NRG1: variants seen among roughly 807,000 people sequenced by gnomAD.
NRG1 encodes the protein neuregulin 1, also known as pro-neuregulin-1, membrane-bound isoform.
In NRG1, 18 loss-of-function variants were observed where a neutral mutation model predicts 63.8. The observed-to-expected ratio is 0.28, with a 90% CI of 0.19 to 0.42. NRG1 has a LOEUF of 0.42. NRG1 is among the 10% of genes least tolerant of loss of function. NRG1 has a pLI of 1.00. For missense variants in NRG1, 762 were observed against 814.7 expected, an observed-to-expected ratio of 0.94 and a Z score of 0.79; for synonymous variants, 302 against 301.3, an observed-to-expected ratio of 1.00 and a Z score of -0.02.
chr8:32,773,186 C>T (rs935014105), intron 7 of NRG1, among the ~76,000 whole-genome samples: 6 of 152,094 alleles, frequency 3.9e-5, no homozygotes, highest in Non-Finnish European at 8.8e-5. Flanking sequence ...AGTGGTGGCC[C>T]TTTAGAAAGT....
At chr8:31,973,891 G>A (rs1427322009) in intron 1 of NRG1, among the ~76,000 whole-genome samples, 1 of 152,138 alleles carries the variant, frequency 6.6e-6, no homozygotes, top group African/African-American at 2.4e-5. Context: ...GTATTGAAAA[G>A]CTATGAAAGA....
At chr8:32,358,812 C>T (rs990043470) in intron 1 of NRG1, among the ~76,000 whole-genome samples, 1 of 152,080 alleles carries the variant, frequency 6.6e-6, no homozygotes, top group African/African-American at 2.4e-5. Context: ...GGGCCAAAGA[C>T]AGAACCTTGA....
At chr8:32,085,546 G>A in intron 1 of NRG1, among the ~76,000 whole-genome samples, 1 of 152,124 alleles carries the variant, frequency 6.6e-6, no homozygotes, top group East Asian at 1.9e-4. Flanking sequence ...CTTTTACATT[G>A]TGATTTCTAT....
At chr8:32,651,258 C>T (rs73678415) in intron 5 of NRG1, among the ~76,000 whole-genome samples, 3,371 of 152,064 alleles carry the variant, frequency 0.022, 144 homozygotes, top group African/African-American at 0.078. Context: ...TCATGTAGGT[C>T]TTAAGAAGTC....
chr8:32,332,297 C>A (rs1166626546), intron 1 of NRG1, among the ~76,000 whole-genome samples: 2 of 152,140 alleles, frequency 1.3e-5, no homozygotes, highest in African/African-American at 4.8e-5. Context: ...ATTGGTTTCT[C>A]CTCCTTTCTT....
At chr8:31,680,973 T>C (rs960621664) in intron 1 of NRG1, among the ~76,000 whole-genome samples, 3 of 151,770 alleles carry the variant, frequency 2.0e-5, no homozygotes, top group Non-Finnish European at 4.4e-5. Context: ...TAGTATTGAG[T>C]AGAAAAAGAA....
At chr8:32,037,126 T>G (rs2130583800) in intron 1 of NRG1, among the ~76,000 whole-genome samples, 1 of 152,382 alleles carries the variant, frequency 6.6e-6, no homozygotes, top group Non-Finnish European at 1.5e-5. Context: ...TTATGGGTTC[T>G]TTTTAATTGA....
intron 1 of NRG1, among the ~76,000 whole-genome samples, chr8:32,227,631 A>G (rs1367283404): frequency 1.3e-5 from 2 of 152,118 alleles, no homozygotes; most frequent in East Asian, 3.9e-4. Context: ...AGAAGGCAAT[A>G]CTGGTCTTAC....
At chr8:32,681,116 G>A (rs924221432) in intron 5 of NRG1, among the ~76,000 whole-genome samples, 7 of 152,154 alleles carry the variant, frequency 4.6e-5, no homozygotes, top group African/African-American at 1.7e-4. Context: ...TTCAGTAAGA[G>A]AGTAGGAATC....
At chr8:32,565,242 A>G (rs1837234432) in intron 1 of NRG1, among the ~76,000 whole-genome samples, 1 of 152,006 alleles carries the variant, frequency 6.6e-6, no homozygotes, top group Non-Finnish European at 1.5e-5. Flanking sequence ...TCTTCTCCAT[A>G]TCTCTTAAAA....
chr8:32,371,036 AC>A lies in NRG1; in HGVS notation c.38-224789del, dbSNP rs1430962121. 5.3e-5 allele frequency among the ~76,000 whole-genome samples: 8 copies of A among 151,682 alleles called. No individual in the cohort carries two copies. In the East Asian group the frequency reaches 1.6e-3, roughly 30 times the overall value. ...AGGCCAGCCTGGCCAACATGGTGAAACCCTGTCTCTACTGAAAATACAAAAT... is the reference window on the plus strand; with the variant it reads ...AGGCCAGCCTGGCCAACATGGTGAAACCTGTCTCTACTGAAAATACAAAAT... On this transcript the variant is annotated intron_variant, in intron 1 of 10. Transcript: ENST00000519301.
At chr8:31,739,669 G>A (rs75821127) in intron 1 of NRG1, among the ~76,000 whole-genome samples, 2,010 of 152,164 alleles carry the variant, frequency 0.013, 37 homozygotes, top group African/African-American at 0.045. Context: ...TGACATTTGG[G>A]GGGAGCATGA....
At position 32,235,406 on chromosome 8, in the gene NRG1, A is replaced by C. The variant is rs191541732; in HGVS notation, c.38-360422A>C. On this transcript the variant is annotated intron_variant, in intron 1 of 10. Coordinates refer to the NRG1 transcript ENST00000519301. ...AGATTCTGTCTCCAAAAAATGAAAA[A>C]CAGCTGTATGGTTTGGAGAGCCAGT... Among the ~76,000 whole-genome samples the C allele has an allele frequency of 3.7e-3, 560 of 152,124 alleles. 1 individual carries two copies. Among genetic ancestry groups the C allele is most frequent in the South Asian group, 0.023 (113 of 4,816 alleles).
chr8:32,082,804 T>A (rs936389157), intron 1 of NRG1, among the ~76,000 whole-genome samples: 1 of 152,128 alleles, frequency 6.6e-6, no homozygotes, highest in African/African-American at 2.4e-5. Flanking sequence ...ACAGTAGTTC[T>A]ATGTACAGTC....
chr8:32,248,971 G>GAT (rs1848836327), intron 1 of NRG1, among the ~76,000 whole-genome samples: 1 of 151,816 alleles, frequency 6.6e-6, no homozygotes. Context: ...TCCTACAAGA[G>GAT]ACAGCTTTTT....
At chr8:31,681,488 A>G (rs145205419) in intron 1 of NRG1, among the ~76,000 whole-genome samples, 18 of 152,126 alleles carry the variant, frequency 1.2e-4, no homozygotes, top group African/African-American at 4.3e-4. Context: ...TGTTCCAGCC[A>G]GTATATTGGA....
intron 1 of NRG1, among the ~76,000 whole-genome samples, chr8:32,322,145 G>A (rs1245595104): frequency 6.6e-6 from 1 of 151,360 alleles, no homozygotes; most frequent in African/African-American, 2.4e-5. Context: ...GCCTGTGAAT[G>A]GCCACTGTAC....
chr8:32,722,928 C>T (rs1821010024), intron 5 of NRG1, among the ~76,000 whole-genome samples: 1 of 152,058 alleles, frequency 6.6e-6, no homozygotes, highest in African/African-American at 2.4e-5. Context: ...CAATGATTGT[C>T]ACTCCAAATT....
intron 1 of NRG1, among the ~76,000 whole-genome samples, chr8:31,699,991 T>C (rs1280342728): frequency 6.6e-6 from 1 of 152,240 alleles, no homozygotes; most frequent in African/African-American, 2.4e-5. Context: ...TTTTCTGCTC[T>C]TAATCTTCCT....
Sources: allele counts gnomAD v4.1 joint callset (sites outside exome capture counted in the v4.1 genomes callset), GRCh38; gene constraint gnomAD v4.1.1; transcripts MANE v1.5; gene names NCBI Gene and HGNC (gene_info 2026-07-23, HGNC 2026-07-21).